Variants in TMEM120B observed in about 807,000 individuals in gnomAD.
TMEM120B encodes transmembrane protein 120B.
A neutral mutation model predicts 55.5 loss-of-function variants in TMEM120B; 31 were observed. That is an observed-to-expected ratio of 0.56 (90% confidence interval 0.42 to 0.75). The LOEUF is 0.75. Among genes scored for constraint, TMEM120B ranks in the 30% least tolerant of loss-of-function variants. The probability of loss-of-function intolerance (pLI) is 0.00; values close to 1 mark genes in which losing one functional copy is unlikely to be tolerated. For missense variants in TMEM120B, 399 were observed against 425.5 expected (o/e 0.94, Z 0.55); for synonymous variants, 203 against 176.3 (o/e 1.15, Z -1.20).
At chr12:121,754,569 GA>G (rs2137234157) in intron 5 of TMEM120B, among the ~76,000 whole-genome samples, 1 of 152,292 alleles carries the variant, frequency 6.6e-6, no homozygotes, top group Non-Finnish European at 1.5e-5. Flanking sequence ...CAGCTTCTGG[GA>G]ATTGCCAGCA....
rs534632787 is a variant in TMEM120B at position 121,721,853 on chromosome 12, G to T, written c.69+8889G>T. Among the ~76,000 whole-genome samples, 86 of 134,158 alleles carry T rather than the reference G, an allele frequency of 6.4e-4. 1 individual carries two copies. Among genetic ancestry groups the T allele is most frequent in the African/African-American group, 2.3e-3 (80 of 34,186 alleles). The allele number at this position is 134,158 out of a possible 152,430, so 88.0% of individuals were successfully genotyped here. ...AGACAGCGTCTTGCTCTGTCGCCCA[G>T]GCTGGAGTGCAGTGGCTCAATCTTA... On this transcript the variant is annotated intron_variant, in intron 1 of 11. Transcript: ENST00000449592.
At chr12:121,733,803 G>C (rs1895050360) in intron 1 of TMEM120B, among the ~76,000 whole-genome samples, 1 of 152,158 alleles carries the variant, frequency 6.6e-6, no homozygotes, top group African/African-American at 2.4e-5. Context: ...CTCCCAAAGT[G>C]CTAGGATTAC....
intron 1 of TMEM120B, among the ~76,000 whole-genome samples, chr12:121,740,061 G>C (rs971276581): frequency 2.2e-4 from 33 of 152,266 alleles, no homozygotes; most frequent in African/African-American, 7.5e-4. Context: ...TTACAGGCGT[G>C]AGCCAACGCG....
At chr12:121,736,826 C>G (rs1034983198) in intron 1 of TMEM120B, among the ~76,000 whole-genome samples, 1 of 152,066 alleles carries the variant, frequency 6.6e-6, no homozygotes, top group South Asian at 2.1e-4. Flanking sequence ...ATTACAGGTG[C>G]GAGCCACTGC....
In TMEM120B at chr12:121,747,093, G is replaced by T. The variant is rs146471023; in HGVS notation, c.189-1233G>T. On this transcript the variant is annotated intron_variant, in intron 2 of 11. Coordinates refer to ENST00000449592, the MANE Select transcript of TMEM120B (RefSeq NM_001080825.2). ...CTCATTTAATCCTCACCAGGCTATTGTCTGTGAGGTAGGCTTGAGGTTATC... is the reference window on the plus strand; with the variant it reads ...CTCATTTAATCCTCACCAGGCTATTTTCTGTGAGGTAGGCTTGAGGTTATC... Among the ~76,000 whole-genome samples, 5 of 152,348 alleles carry T rather than the reference G, an allele frequency of 3.3e-5. No homozygotes were observed. In the East Asian group the frequency reaches 7.7e-4, roughly 23 times the overall value.
chr12:121,749,864 C>T (rs372498687), intron 3 of TMEM120B, among the ~76,000 whole-genome samples: 152 of 151,012 alleles, frequency 1.0e-3, no homozygotes, highest in African/African-American at 3.6e-3. Context: ...CCTGATCGTG[C>T]CACTGCAGTC....
intron 6 of TMEM120B, among the ~76,000 whole-genome samples, chr12:121,763,905 G>T (rs1873763217): frequency 1.3e-5 from 2 of 152,142 alleles, no homozygotes; most frequent in Admixed American, 6.5e-5. Flanking sequence ...CGTATGGCAG[G>T]TCCCTGCCCT....
chr12:121,751,214 C>T (rs1281541193), intron 4 of TMEM120B, among the ~76,000 whole-genome samples: 2 of 136,950 alleles, frequency 1.5e-5, no homozygotes, highest in Non-Finnish European at 3.2e-5. Flanking sequence ...ACTCACACCC[C>T]ACACCCAACA....
At chr12:121,740,129 A>G (rs911825157) in intron 1 of TMEM120B, among the ~76,000 whole-genome samples, 3 of 152,150 alleles carry the variant, frequency 2.0e-5, no homozygotes, top group African/African-American at 7.2e-5. Context: ...CTCACTGATA[A>G]CAGATACAGT....
Position 121,774,683 on chromosome 12 carries a change from G to A in TMEM120B, c.798G>A (p.Arg266=). 2 of 1,614,020 alleles carry A rather than the reference G, an allele frequency of 1.2e-6. No homozygotes were observed. The highest frequency in any genetic ancestry group is 1.7e-6 in the Non-Finnish European group (2 of 1,179,918). ...TVEGFQSWMW[R]GLTFLLPFLF... ...AAGGGTTCCAGTCCTGGATGTGGCG[G>A]GGCCTCACCTTTCTCCTGCCCTTCC... The change falls in exon 10 of 12, where the codon CGG becomes CGA. Residue 266 remains arginine (R), a synonymous_variant. Transcript: ENST00000449592.
chr12:121,760,989 T>G (rs993730654), intron 5 of TMEM120B, among the ~76,000 whole-genome samples: 2 of 151,970 alleles, frequency 1.3e-5, no homozygotes, highest in Admixed American at 6.6e-5. Flanking sequence ...ATTCTTTTGT[T>G]TTTTTTTGGG....
rs1873353009 is a variant in TMEM120B, at chr12:121,752,209, T to G, written c.447T>G (p.Phe149Leu). 6.2e-7 allele frequency: 1 copy of G among 1,613,692 alleles called. No individual in the cohort carries two copies. The highest frequency in any genetic ancestry group is 1.7e-5 in the Admixed American group (1 of 59,988). ...TCCTGGGTGCCGTGGCATGTCGATTTGTCCTTCACTACAGGTAGTGGGTGT... is the reference window on the plus strand; with the variant it reads ...TCCTGGGTGCCGTGGCATGTCGATTGGTCCTTCACTACAGGTAGTGGGTGT... ...ILLLGAVACRFVLHYRVTDEV... is the reference protein window; with the variant it reads ...ILLLGAVACRLVLHYRVTDEV... The change falls in exon 5 of 12, where the codon TTT (phenylalanine) becomes TTG (leucine). Residue 149 changes from phenylalanine to leucine, a missense_variant. This residue lies in a region of TMEM120B where 260 missense variants were observed against 303.9 expected (regional missense o/e 0.86). Coordinates refer to ENST00000449592, the MANE Select transcript of TMEM120B (RefSeq NM_001080825.2).
In TMEM120B at chr12:121,743,613, G is replaced by A. The variant is rs548188152; in HGVS notation, c.70-16G>A. On this transcript the variant is annotated splice_polypyrimidine_tract_variant and intron_variant, in intron 1 of 11. Coordinates refer to ENST00000449592, the MANE Select transcript of TMEM120B (RefSeq NM_001080825.2). ...TATTCTCCCACACACCCTCCCCCGG[G>A]TCCCCTGTTCTTCAGGAGACGCACA... 2.0e-5 allele frequency: 32 copies of A among 1,604,460 alleles called. No individual in the cohort carries two copies. The highest frequency in any genetic ancestry group is 2.7e-5 in the Non-Finnish European group (32 of 1,172,584).
chr12:121,779,638 G>A lies in TMEM120B; in HGVS notation c.*3916G>A, dbSNP rs199794385. 1.1e-5 allele frequency: 18 copies of A among 1,613,946 alleles called. No individual in the cohort carries two copies. Among genetic ancestry groups the A allele is most frequent in the African/African-American group, 5.3e-5 (4 of 74,954 alleles). ...GAACATTCCAGGTAGAGAGCAGCTCGGATCTGTTCGCAGGCGCTCAGGCCC... is the reference window on the plus strand; with the variant it reads ...GAACATTCCAGGTAGAGAGCAGCTCAGATCTGTTCGCAGGCGCTCAGGCCC... On this transcript the variant is annotated 3_prime_UTR_variant, in exon 12 of 12. Transcript: ENST00000449592.
chr12:121,732,571 A>C (rs963754254), intron 1 of TMEM120B, among the ~76,000 whole-genome samples: 1 of 152,172 alleles, frequency 6.6e-6, no homozygotes, highest in Admixed American at 6.6e-5. Context: ...ACCTGAAAAA[A>C]ATTAAATGTT....
Position 121,758,157 on chromosome 12 carries a change from T to C in TMEM120B, c.462-3492T>C, listed in dbSNP as rs150932074. 1.2e-4 allele frequency: 117 copies of C among 985,428 alleles called. No homozygotes were observed. In the East Asian group the frequency reaches 9.3e-3, roughly 78 times the overall value. The allele number at this position is 985,428 out of a possible 1,614,324, so 61.0% of individuals were successfully genotyped here. A position where few individuals can be genotyped will look rare whatever the true frequency, so the allele number is the denominator to read the frequency against. On this transcript the variant is annotated intron_variant, in intron 5 of 11. Coordinates refer to ENST00000449592, the MANE Select transcript of TMEM120B (RefSeq NM_001080825.2). ...TTTGTCAGTGCCTCCTCAGACAGAC[T>C]GGCAGTGGTGGGGAAGCCCTCAGAG...
At chr12:121,718,319 A>G (rs1894737072) in intron 1 of TMEM120B, among the ~76,000 whole-genome samples, 1 of 152,046 alleles carries the variant, frequency 6.6e-6, no homozygotes. Flanking sequence ...CCCCATCACT[A>G]TAAAACAAAC....
chr12:121,765,215 C>T (rs1193222399), intron 6 of TMEM120B, among the ~76,000 whole-genome samples: 5 of 150,914 alleles, frequency 3.3e-5, no homozygotes, highest in Admixed American at 6.6e-5. Flanking sequence ...CTGCAGCCTC[C>T]GCCTCCTGGG....
chr12:121,736,310 C>A (rs1895111724), intron 1 of TMEM120B, among the ~76,000 whole-genome samples: 1 of 149,616 alleles, frequency 6.7e-6, no homozygotes, highest in South Asian at 2.1e-4. Context: ...GCCACCATGC[C>A]TGGCTAATTG....
Sources: allele counts gnomAD v4.1 joint callset (sites outside exome capture counted in the v4.1 genomes callset), GRCh38; gene constraint gnomAD v4.1.1; regional missense constraint gnomAD v4.1.1; transcripts MANE v1.5; gene names NCBI Gene and HGNC (gene_info 2026-07-23, HGNC 2026-07-21).